ZNF544: variants seen among roughly 807,000 people sequenced by gnomAD.
ZNF544 encodes the protein zinc finger protein 544.
ZNF544 carries 10 observed loss-of-function variants against 13.5 expected under a neutral mutation model. That is an observed-to-expected ratio of 0.74 (90% CI 0.46 to 1.25). ZNF544 has a LOEUF of 1.25. Ranked by LOEUF, ZNF544 falls within the 50% of genes most tolerant of loss-of-function variation. ZNF544 has a pLI of 0.00. For synonymous variants in ZNF544, 323 were observed against 300.5 expected (o/e 1.07, Z -0.77); for missense variants, 896 against 845.6 (o/e 1.06, Z -0.74).
chr19:58,251,283 TA>T (rs1465844604), intron 6 of ZNF544: 3 of 518,860 alleles, frequency 5.8e-6, no homozygotes, highest in Non-Finnish European at 1.2e-5. Flanking sequence ...GGCTTTTACT[TA>T]TCTTTTGGCT....
chr19:58,249,220 C>A (rs986610285), intron 6 of ZNF544, among the ~76,000 whole-genome samples: 1 of 152,144 alleles, frequency 6.6e-6, no homozygotes, highest in Non-Finnish European at 1.5e-5. Context: ...CTCATTTCCC[C>A]CCGAAAGACA....
Position 58,261,631 on chromosome 19 carries a change from CT to C in ZNF544, c.1026del (p.Asp343ThrfsTer137). ...GCCTTCCCCATGGCCTCATCTTTTT[CT>C]GACTGTAACATCATTCAGACTACAG... ...CAAFPMASSF[S>X]DCNIIQTTEK... On this transcript the variant is annotated frameshift_variant, in exon 7 of 7. Transcript: ENST00000687789. LOFTEE classifies it low-confidence loss of function (END_TRUNC). 1 of 1,614,216 alleles carries C rather than the reference CT, an allele frequency of 6.2e-7. No homozygotes were observed. Among genetic ancestry groups the C allele is most frequent in the South Asian group, 1.1e-5 (1 of 91,088 alleles).
At position 58,228,939 on chromosome 19, in the gene ZNF544, G is replaced by T. The variant is rs1490042923; in HGVS notation, c.-239G>T. 6.6e-6 allele frequency: 1 copy of T among 152,304 alleles called. No individual in the cohort carries two copies. Among genetic ancestry groups the T allele is most frequent in the African/African-American group, 2.4e-5 (1 of 41,470 alleles). 9.4% of individuals were successfully genotyped at this position (152,304 alleles called of 1,614,324 possible). A position where few individuals can be genotyped will look rare whatever the true frequency, so the allele number is the denominator to read the frequency against. ...ACCGGAAGCACCGCCATTGGCCGGTGCGTGCAGGTGAGTCTGGCGGCCTCA... is the reference window on the plus strand; with the variant it reads ...ACCGGAAGCACCGCCATTGGCCGGTTCGTGCAGGTGAGTCTGGCGGCCTCA... On this transcript the variant is annotated 5_prime_UTR_variant, in exon 1 of 7. Transcript: ENST00000687789.
chr19:58,234,550 GC>G (rs1243443398), intron 3 of ZNF544, among the ~76,000 whole-genome samples: 1 of 152,252 alleles, frequency 6.6e-6, no homozygotes, highest in African/African-American at 2.4e-5. Flanking sequence ...TGACACTGCT[GC>G]TTTTCCTCTC....
downstream of ZNF544, among the ~76,000 whole-genome samples, chr19:58,268,371 C>G (rs544768385): frequency 6.6e-6 from 1 of 152,274 alleles, no homozygotes; most frequent in East Asian, 1.9e-4. Flanking sequence ...AGAACAGGCT[C>G]TTTGAAATTA....
chr19:58,255,866 G>A (rs2047204697), intron 6 of ZNF544, among the ~76,000 whole-genome samples: 1 of 152,218 alleles, frequency 6.6e-6, no homozygotes, highest in Admixed American at 6.5e-5. Flanking sequence ...TTACGCCTTG[G>A]CCTTCAGGCA....
At chr19:58,265,723 C>T (rs1229376912), downstream of ZNF544, among the ~76,000 whole-genome samples, 1 of 152,144 alleles carries the variant, frequency 6.6e-6, no homozygotes, top group East Asian at 2.0e-4. Flanking sequence ...TCCTAAGTAG[C>T]TGGGACCATA....
In ZNF544 at chr19:58,263,409, T is replaced by G; in HGVS notation, c.*655T>G. 6.1e-6 allele frequency: 6 copies of G among 983,566 alleles called. No homozygotes were observed. Among genetic ancestry groups the G allele is most frequent in the Non-Finnish European group, 7.2e-6 (6 of 828,532 alleles). 60.9% of individuals were successfully genotyped at this position (983,566 alleles called of 1,614,324 possible). ...TTGGGAGGCGGTGGTTGCAGTGAGC[T>G]GTGATCATGCCATCACACCGCTGCC... is the stretch of plus-strand genomic sequence containing the variant. On this transcript the variant is annotated 3_prime_UTR_variant, in exon 7 of 7. Coordinates refer to ENST00000687789, the MANE Select transcript of ZNF544 (RefSeq NM_014480.4).
chr19:58,258,444 AGG>A (rs1475775416), intron 6 of ZNF544: 1 of 61,156 alleles, frequency 1.6e-5, no homozygotes, highest in Non-Finnish European at 3.6e-5. Flanking sequence ...ACCAGGTGTG[AGG>A]GTGCTGGGTG....
chr19:58,249,588 C>T lies in ZNF544; in HGVS notation c.244+2794C>T, dbSNP rs575618534. On this transcript the variant is annotated intron_variant, in intron 6 of 6. Transcript: ENST00000687789. ...CAACTTAGCATTTTTGACCAGGAGCCCCATGACTCAGATAGCTGTTGTTGT... is the reference window on the plus strand; with the variant it reads ...CAACTTAGCATTTTTGACCAGGAGCTCCATGACTCAGATAGCTGTTGTTGT... Among the ~76,000 whole-genome samples, 23 of 152,288 alleles carry T rather than the reference C, an allele frequency of 1.5e-4. 1 individual carries two copies. The highest frequency in any genetic ancestry group is 5.1e-4 in the African/African-American group (21 of 41,556).
intron 3 of ZNF544, among the ~76,000 whole-genome samples, chr19:58,233,104 AGAGGGTGTGTGC>A (rs1164906247): frequency 6.6e-6 from 1 of 152,152 alleles, no homozygotes; most frequent in Non-Finnish European, 1.5e-5. Context: ...GCAGCAGGCA[AGAGGGTGTGTGC>A]AGGGGAGCTC....
chr19:58,244,053 C>T lies in ZNF544; in HGVS notation c.30C>T (p.Pro10=). 1 of 1,607,196 alleles carries T rather than the reference C, an allele frequency of 6.2e-7. No homozygotes were observed. Among genetic ancestry groups the T allele is most frequent in the Non-Finnish European group, 8.5e-7 (1 of 1,176,618 alleles). The change falls in exon 4 of 7, where the codon CCC becomes CCT. Residue 10 remains proline (P), a synonymous_variant. Transcript: ENST00000687789. MEARSMLVP[P]QASVCFEDVA... The stretch of plus-strand genomic sequence containing the variant: ...AAGCACGTTCTATGCTGGTTCCACC[C>T]CAGGTGAGTGGGGGGTCTTTGCTCT...
intron 5 of ZNF544, among the ~76,000 whole-genome samples, chr19:58,271,765 G>A (rs1006467082): frequency 3.3e-5 from 5 of 152,154 alleles, no homozygotes; most frequent in Admixed American, 6.6e-5. Context: ...AGAAGCAATG[G>A]TACATGAGGA....
chr19:58,233,458 A>G (rs1428203175), intron 3 of ZNF544, among the ~76,000 whole-genome samples: 1 of 152,232 alleles, frequency 6.6e-6, no homozygotes. Flanking sequence ...TGTGTACTTA[A>G]AGGAAATATG....
chr19:58,242,378 A>T (rs2044077079), intron 3 of ZNF544: 3 of 738,434 alleles, frequency 4.1e-6, no homozygotes, highest in South Asian at 1.2e-4. Flanking sequence ...GATACTTGAT[A>T]TTCCAGGGAA....
At chr19:58,231,048 T>G (rs1408474567) in intron 3 of ZNF544, among the ~76,000 whole-genome samples, 1 of 152,118 alleles carries the variant, frequency 6.6e-6, no homozygotes, top group Non-Finnish European at 1.5e-5. Context: ...CTGGTGTTCC[T>G]GAACTCCTAT....
At position 58,261,746 on chromosome 19, in the gene ZNF544, C is replaced by T. The variant is rs61732964; in HGVS notation, c.1140C>T (p.Phe380=). 281 of 1,614,046 alleles carry T rather than the reference C, an allele frequency of 1.7e-4. No individual in the cohort carries two copies. The African/African-American group carries it at 1.7e-3, about 10-fold the overall frequency. ...GAACACACACTGGAGAAAAGCCCTTCGAATGTACTCAGTGTGGGAAATCTT... is the reference window on the plus strand; with the variant it reads ...GAACACACACTGGAGAAAAGCCCTTTGAATGTACTCAGTGTGGGAAATCTT... ...HQRTHTGEKP[F]ECTQCGKSFS... Residue 380 remains phenylalanine (F), a synonymous_variant, in exon 7 of 7, where the codon TTC becomes TTT. Transcript: ENST00000687789.
intron 3 of ZNF544, among the ~76,000 whole-genome samples, chr19:58,243,539 CT>C (rs1163029861): frequency 6.6e-6 from 1 of 151,926 alleles, no homozygotes; most frequent in Non-Finnish European, 1.5e-5. Flanking sequence ...ACAACACCCC[CT>C]CCCAGAGCCG....
At chr19:58,277,333 G>C (rs1284780351) in exon 7 of ZNF544, 2 of 1,113,714 alleles carry the variant, frequency 1.8e-6, no homozygotes, top group Non-Finnish European at 2.3e-6. Flanking sequence ...GTCCCCACTG[G>C]TAACGTCTTC....
Sources: gnomAD v4.1 joint callset for allele counts (sites outside exome capture counted in the v4.1 genomes callset) on GRCh38, gnomAD v4.1.1 for gene constraint, MANE v1.5 for transcripts, NCBI Gene and HGNC (gene_info 2026-07-23, HGNC 2026-07-21) for gene names.